SLC5A10: variants seen among roughly 807,000 people sequenced by gnomAD.
SLC5A10 encodes the protein sodium/mannose cotransporter SLC5A10.
A neutral mutation model predicts 68.9 loss-of-function variants in SLC5A10; 55 were observed. The ratio of observed to expected loss-of-function variants is 0.80; its 90% confidence interval spans 0.64 to 1.00. The LOEUF (loss-of-function observed/expected upper bound fraction) is 1.00, where lower values mean the gene tolerates loss of function less well. Ranked by LOEUF, SLC5A10 falls within the 50% of genes least tolerant of loss-of-function variation. SLC5A10 has a pLI of 0.00. For synonymous variants in SLC5A10, 344 were observed against 344.8 expected, an observed-to-expected ratio of 1.00 and a Z score of 0.02; for missense variants, 732 against 819.3, an observed-to-expected ratio of 0.89 and a Z score of 1.30.
At chr17:18,967,627 G>A (rs2042738081) in intron 5 of SLC5A10, among the ~76,000 whole-genome samples, 1 of 152,240 alleles carries the variant, frequency 6.6e-6, no homozygotes. Flanking sequence ...AGCAGTGACT[G>A]TAGGACAGAA....
At chr17:18,993,959 C>T (rs1356108147) in intron 9 of SLC5A10, among the ~76,000 whole-genome samples, 4 of 152,230 alleles carry the variant, frequency 2.6e-5, no homozygotes, top group Non-Finnish European at 5.9e-5. Flanking sequence ...GGACCCTCCT[C>T]GTCCTCCCAC....
intron 9 of SLC5A10, among the ~76,000 whole-genome samples, chr17:18,987,423 C>G (rs2043298542): frequency 6.6e-6 from 1 of 152,230 alleles, no homozygotes; most frequent in African/African-American, 2.4e-5. Context: ...GCCGTCATCA[C>G]GCACGCTCAT....
chr17:18,980,508 C>G (rs547826482), intron 9 of SLC5A10, among the ~76,000 whole-genome samples: 6 of 152,086 alleles, frequency 3.9e-5, no homozygotes, highest in African/African-American at 1.4e-4. Flanking sequence ...TTTCCTGGAC[C>G]CTGAACACAT....
At chr17:18,988,156 C>T (rs2043316218) in intron 9 of SLC5A10, 20 of 1,520,550 alleles carry the variant, frequency 1.3e-5, no homozygotes, top group African/African-American at 2.7e-5. Flanking sequence ...CACAGGACTC[C>T]GTCCAGAGCA....
At chr17:18,995,562 A>C (rs2043545737) in intron 9 of SLC5A10, among the ~76,000 whole-genome samples, 1 of 152,236 alleles carries the variant, frequency 6.6e-6, no homozygotes, top group African/African-American at 2.4e-5. Flanking sequence ...GAGACTAAAA[A>C]AATAAATAAA....
At chr17:19,007,005 T>C (rs571138953) in intron 9 of SLC5A10, among the ~76,000 whole-genome samples, 1 of 152,336 alleles carries the variant, frequency 6.6e-6, no homozygotes, top group East Asian at 1.9e-4. Context: ...CATACACATA[T>C]GTATATAAAC....
At chr17:19,005,651 C>CCG (rs1645042199) in intron 9 of SLC5A10, among the ~76,000 whole-genome samples, 1 of 151,912 alleles carries the variant, frequency 6.6e-6, no homozygotes, top group South Asian at 2.1e-4. Context: ...CCTCAAACCC[C>CCG]CCCCCTCCAA....
At chr17:18,978,289 G>T (rs368362087) in intron 9 of SLC5A10, 29 of 1,611,318 alleles carry the variant, frequency 1.8e-5, no homozygotes, top group Non-Finnish European at 2.1e-5. Flanking sequence ...TCCACAGCTG[G>T]TGCTGGGCGC....
intron 9 of SLC5A10, among the ~76,000 whole-genome samples, chr17:18,991,913 C>G (rs2152132952): frequency 6.6e-6 from 1 of 152,268 alleles, no homozygotes; most frequent in Admixed American, 6.5e-5. Flanking sequence ...TGACTCCTGC[C>G]AGGGTGTGGG....
intron 11 of SLC5A10, among the ~76,000 whole-genome samples, chr17:19,016,640 T>C (rs1203982597): frequency 3.3e-5 from 5 of 151,744 alleles, no homozygotes; most frequent in African/African-American, 1.2e-4. Flanking sequence ...CGGGTGCGAG[T>C]GAGCTCATCC....
intron 9 of SLC5A10, among the ~76,000 whole-genome samples, chr17:18,985,493 C>A (rs2043247060): frequency 6.6e-6 from 1 of 152,156 alleles, no homozygotes; most frequent in Non-Finnish European, 1.5e-5. Flanking sequence ...GCAGGGGTGG[C>A]AGTGGCTGAG....
chr17:18,961,933 C>T (rs1163123154), intron 5 of SLC5A10, among the ~76,000 whole-genome samples: 3 of 152,202 alleles, frequency 2.0e-5, no homozygotes, highest in Non-Finnish European at 2.9e-5. Context: ...AACCCCGTAC[C>T]GCAGTCTTCG....
In SLC5A10 at chr17:18,976,996, C is replaced by A; in HGVS notation, c.982+7C>A. ...AGCCGCGCATTGTTCCCAGGTAGGA[C>A]GGGCTCCGGGCACTGAACCCAGGCT... On this transcript the variant is annotated splice_region_variant and intron_variant, in intron 9 of 14. Coordinates refer to ENST00000395645, the MANE Select transcript of SLC5A10 (RefSeq NM_001042450.4). The A allele has an allele frequency of 6.2e-7, 1 of 1,611,098 alleles. No individual in the cohort carries two copies. Among genetic ancestry groups the A allele is most frequent in the Non-Finnish European group, 8.5e-7 (1 of 1,179,860 alleles).
At chr17:18,994,213 C>T (rs956906535) in intron 9 of SLC5A10, among the ~76,000 whole-genome samples, 15 of 152,164 alleles carry the variant, frequency 9.9e-5, no homozygotes, top group East Asian at 1.9e-4. Flanking sequence ...ATAAAAAACC[C>T]GGATAAAATC....
At chr17:18,985,197 C>T (rs1270043769) in intron 9 of SLC5A10, among the ~76,000 whole-genome samples, 2 of 152,170 alleles carry the variant, frequency 1.3e-5, no homozygotes, top group South Asian at 2.1e-4. Context: ...GAAGGGAGCT[C>T]GTGACCGAAG....
intron 5 of SLC5A10, among the ~76,000 whole-genome samples, chr17:18,961,088 C>T (rs552072233): frequency 6.6e-6 from 1 of 152,352 alleles, no homozygotes; most frequent in Non-Finnish European, 1.5e-5. Context: ...CCATCACTGA[C>T]ACCCATCCTT....
At chr17:18,982,178 T>C (rs2043155046) in intron 9 of SLC5A10, among the ~76,000 whole-genome samples, 1 of 152,166 alleles carries the variant, frequency 6.6e-6, no homozygotes, top group Non-Finnish European at 1.5e-5. Context: ...TCGAAGCAAG[T>C]CCCGGGCCCT....
Position 18,959,462 on chromosome 17 carries a change from C to T in SLC5A10, c.289-142C>T, listed in dbSNP as rs1185739067. 11 of 986,986 alleles carry T rather than the reference C, an allele frequency of 1.1e-5. No individual in the cohort carries two copies. In the African/African-American group the frequency reaches 1.7e-4, roughly 16 times the overall value. The allele number at this position is 986,986 out of a possible 1,614,324, so 61.1% of individuals were successfully genotyped here. A position where few individuals can be genotyped will look rare whatever the true frequency, so the allele number is the denominator to read the frequency against. On this transcript the variant is annotated intron_variant, in intron 3 of 14. Coordinates refer to ENST00000395645, the MANE Select transcript of SLC5A10 (RefSeq NM_001042450.4). ...GCCCAGACCTAGAGAGGGGAAGGAG[C>T]CACCCAGGATCTCATGGCAAGTCAG...
chr17:18,981,686 C>T (rs1258653682), intron 9 of SLC5A10, among the ~76,000 whole-genome samples: 2 of 152,176 alleles, frequency 1.3e-5, no homozygotes, highest in African/African-American at 2.4e-5. Flanking sequence ...ATCTGATGCC[C>T]ACCTGTGGGA....
Sources: gnomAD v4.1 joint callset for allele counts (sites outside exome capture counted in the v4.1 genomes callset) on GRCh38, gnomAD v4.1.1 for gene constraint, MANE v1.5 for transcripts, NCBI Gene and HGNC (gene_info 2026-07-23, HGNC 2026-07-21) for gene names.